The following INPP5F variants were observed in gnomAD, a reference collection of about 807,000 sequenced individuals.
The protein encoded by INPP5F is inositol polyphosphate-5-phosphatase F.
In INPP5F, 97 loss-of-function variants were observed where a neutral mutation model predicts 137.2. The observed-to-expected ratio is 0.71, with a 90% CI of 0.60 to 0.84. The LOEUF (loss-of-function observed/expected upper bound fraction) is 0.84, where lower values mean the gene tolerates loss of function less well. INPP5F is among the 40% of genes least tolerant of loss of function. The probability of loss-of-function intolerance (pLI) is 0.00; values close to 1 mark genes in which losing one functional copy is unlikely to be tolerated. For missense variants in INPP5F, 1,271 were observed against 1,371.9 expected (o/e 0.93, Z 1.16); for synonymous variants, 504 against 476.9 (o/e 1.06, Z -0.74).
At chr10:119,759,259 A>G (rs963170571) in intron 2 of INPP5F, among the ~76,000 whole-genome samples, 4 of 152,172 alleles carry the variant, frequency 2.6e-5, no homozygotes, top group Non-Finnish European at 5.9e-5. Context: ...GGGCTCAAGC[A>G]GTCTACCTGC....
At chr10:119,776,686 TTGTG>T (rs142691417) in intron 2 of INPP5F, among the ~76,000 whole-genome samples, 1 of 149,678 alleles carries the variant, frequency 6.7e-6, no homozygotes, top group Non-Finnish European at 1.5e-5. Flanking sequence ...GTATGTGTGT[TTGTG>T]TGTGTGTGTG....
intron 1 of INPP5F, among the ~76,000 whole-genome samples, chr10:119,746,348 A>G (rs1848532979): frequency 6.6e-6 from 1 of 152,060 alleles, no homozygotes; most frequent in African/African-American, 2.4e-5. Flanking sequence ...CCTAAAGCTT[A>G]TTTGGTACCC....
chr10:119,815,047 A>T (rs1851211098), intron 15 of INPP5F, among the ~76,000 whole-genome samples: 1 of 151,782 alleles, frequency 6.6e-6, no homozygotes, highest in South Asian at 2.1e-4. Context: ...TTGTATTTTT[A>T]ATAGAGATGG....
intron 14 of INPP5F, among the ~76,000 whole-genome samples, chr10:119,810,425 ATT>A (rs902459909): frequency 2.6e-5 from 4 of 152,174 alleles, no homozygotes; most frequent in African/African-American, 9.7e-5. Context: ...GAAACCATCT[ATT>A]TTCCATGCAT....
At position 119,826,892 on chromosome 10, in the gene INPP5F, A is replaced by C. The variant is rs1394914928; in HGVS notation, c.2511A>C (p.Thr837=). The C allele has an allele frequency of 1.2e-6, 2 of 1,614,036 alleles. No individual in the cohort carries two copies. The highest frequency in any genetic ancestry group is 2.7e-5 in the African/African-American group (2 of 74,952). ...SDSSLETMEN[T]GVMDKVQAES... Reference sequence around the variant, plus strand: ...GTAGTCTTGAAACTATGGAAAACACAGGAGTGATGGATAAGGTTCAGGCAG... The same window carrying C: ...GTAGTCTTGAAACTATGGAAAACACCGGAGTGATGGATAAGGTTCAGGCAG... The change falls in exon 20 of 20, where the codon ACA becomes ACC. Residue 837 remains threonine, a synonymous_variant. Coordinates refer to ENST00000650623, the MANE Select transcript of INPP5F (RefSeq NM_014937.4).
chr10:119,820,992 A>G, intron 16 of INPP5F, 75 bp downstream of exon 16: 1 of 939,560 alleles, frequency 1.1e-6, no homozygotes, highest in Non-Finnish European at 1.7e-6. Flanking sequence ...AGAATTCGTA[A>G]CAAAAAAATG....
chr10:119,777,060 T>G (rs975372956), intron 2 of INPP5F, among the ~76,000 whole-genome samples: 1 of 151,988 alleles, frequency 6.6e-6, no homozygotes, highest in African/African-American at 2.4e-5. Context: ...CTCAGCTAAT[T>G]TTTAAAAACA....
intron 2 of INPP5F, among the ~76,000 whole-genome samples, chr10:119,777,281 G>A (rs1344511329): frequency 2.0e-5 from 3 of 152,110 alleles, no homozygotes; most frequent in Admixed American, 6.5e-5. Context: ...AGGCCAAGTC[G>A]GGCGCATCAC....
At chr10:119,790,549 G>C (rs1358002383) in intron 3 of INPP5F, among the ~76,000 whole-genome samples, 1 of 151,956 alleles carries the variant, frequency 6.6e-6, no homozygotes, top group African/African-American at 2.4e-5. Flanking sequence ...GATAAAACAG[G>C]GATTCTCTCT....
At chr10:119,729,732 C>T (rs59474064) in intron 1 of INPP5F, among the ~76,000 whole-genome samples, 30 of 151,236 alleles carry the variant, frequency 2.0e-4, no homozygotes, top group African/African-American at 6.6e-4. Flanking sequence ...TGTGTGCTAC[C>T]ACACCTGGCT....
At chr10:119,728,674 A>G (rs1847960976) in intron 1 of INPP5F, among the ~76,000 whole-genome samples, 1 of 152,240 alleles carries the variant, frequency 6.6e-6, no homozygotes, top group Admixed American at 6.5e-5. Context: ...TTCTAGAGAC[A>G]TCAGAAGGAT....
intron 2 of INPP5F, among the ~76,000 whole-genome samples, chr10:119,780,839 A>C (rs902586264): frequency 6.6e-6 from 1 of 152,208 alleles, no homozygotes; most frequent in African/African-American, 2.4e-5. Context: ...GATTATTTCA[A>C]GTATATGAGA....
chr10:119,805,653 G>A (rs12776803), intron 11 of INPP5F, among the ~76,000 whole-genome samples, 192 bp downstream of exon 11: 7,210 of 152,270 alleles, frequency 0.047, 314 homozygotes, highest in South Asian at 0.26. Flanking sequence ...GGGAGAGGGT[G>A]TGAAATGGTC....
At chr10:119,774,219 G>A (rs191160234) in intron 2 of INPP5F, among the ~76,000 whole-genome samples, 124 of 132,322 alleles carry the variant, frequency 9.4e-4, no homozygotes, top group Middle Eastern at 4.6e-3. Flanking sequence ...CTGAGATCAC[G>A]CCACTGTACT....
rs1018698633 is a variant in INPP5F at position 119,748,113 on chromosome 10, G to A, written c.98-2963G>A. 2.6e-5 allele frequency among the ~76,000 whole-genome samples: 4 copies of A among 152,220 alleles called. No homozygotes were observed. The highest frequency in any genetic ancestry group is 5.9e-5 in the Non-Finnish European group (4 of 68,040). ...GCAAGCCAGGTGCGGAGTGGCGAGT[G>A]GTGTATGAGCGAGCGTGCACGGTCC... is the stretch of plus-strand genomic sequence containing the variant. On this transcript the variant is annotated intron_variant, in intron 1 of 19. Transcript: ENST00000650623. The surrounding 1 kb of genome is among the most constrained non-coding windows in gnomAD (Gnocchi z 4.7).
intron 15 of INPP5F, among the ~76,000 whole-genome samples, chr10:119,812,880 G>C (rs1477391314): frequency 2.7e-5 from 4 of 149,894 alleles, no homozygotes; most frequent in Non-Finnish European, 5.9e-5. Flanking sequence ...TCCTTCACTT[G>C]TATTTTTAGT....
intron 1 of INPP5F, among the ~76,000 whole-genome samples, chr10:119,727,438 T>G (rs1847926182): frequency 1.3e-5 from 2 of 152,186 alleles, no homozygotes; most frequent in Admixed American, 6.6e-5. Context: ...CACAGCAACC[T>G]TACAGGACAC....
At chr10:119,789,494 G>A (rs756348627) in intron 3 of INPP5F, among the ~76,000 whole-genome samples, 6 of 152,184 alleles carry the variant, frequency 3.9e-5, no homozygotes, top group Non-Finnish European at 7.4e-5. Flanking sequence ...AAGGAGGGTG[G>A]GGTGTGTACA....
rs774464367 is a variant in INPP5F at position 119,810,132 on chromosome 10, A to C, written c.1602A>C (p.Leu534Phe). ...GDFTRTGERK[L>F]AGVMKDGVNS... ...TTACAAGGACAGGAGAAAGGAAGTTAGCAGGAGTTATGAAAGATGGAGTGA... is the reference window on the plus strand; with the variant it reads ...TTACAAGGACAGGAGAAAGGAAGTTCGCAGGAGTTATGAAAGATGGAGTGA... The change falls in exon 14 of 20, where the codon TTA becomes TTC. Residue 534 changes from leucine to phenylalanine, a missense_variant. Leu to Phe is a conservative substitution (Grantham distance 22). Transcript: ENST00000650623. 6.2e-7 allele frequency: 1 copy of C among 1,613,122 alleles called. No individual in the cohort carries two copies. The highest frequency in any genetic ancestry group is 8.5e-7 in the Non-Finnish European group (1 of 1,179,210).
Sources: gnomAD v4.1 joint callset for allele counts (sites outside exome capture counted in the v4.1 genomes callset) on GRCh38, gnomAD v4.1.1 for gene constraint, Gnocchi (gnomAD v3.1) non-coding constraint, MANE v1.5 for transcripts, NCBI Gene and HGNC (gene_info 2026-07-23, HGNC 2026-07-21) for gene names.